Variants in TCF12 observed in about 807,000 individuals in gnomAD.
TCF12 encodes the protein DNA-binding protein HTF4.
Under a neutral mutation model 86.0 loss-of-function variants are expected in TCF12, and 45 were observed. The observed-to-expected ratio is 0.52, with a 90% CI of 0.41 to 0.67. TCF12 has a LOEUF of 0.67. Among genes scored for constraint, TCF12 ranks in the 30% least tolerant of loss-of-function variants. The probability of loss-of-function intolerance (pLI) is 0.00; values close to 1 mark genes in which losing one functional copy is unlikely to be tolerated. For missense variants in TCF12, 881 were observed against 859.9 expected (o/e 1.02, Z -0.31); for synonymous variants, 330 against 299.6 (o/e 1.10, Z -1.05).
intron 4 of TCF12, among the ~76,000 whole-genome samples, chr15:57,083,353 G>A (rs1026733601): frequency 5.3e-5 from 8 of 152,044 alleles, no homozygotes; most frequent in Non-Finnish European, 1.0e-4. Flanking sequence ...GAGATAAAAA[G>A]AGATTTTTTT....
At chr15:57,036,508 G>A (rs1484678295) in intron 3 of TCF12, among the ~76,000 whole-genome samples, 3 of 152,094 alleles carry the variant, frequency 2.0e-5, no homozygotes, top group Non-Finnish European at 4.4e-5. Flanking sequence ...ATCCTTGGCA[G>A]CACTTGTTTT....
chr15:57,195,442 G>A (rs1026405270), intron 7 of TCF12, among the ~76,000 whole-genome samples: 2 of 152,126 alleles, frequency 1.3e-5, no homozygotes, highest in East Asian at 1.9e-4. Context: ...GACTGTTTTC[G>A]TACAAGGAGT....
chr15:57,157,275 GT>G (rs374760133), intron 5 of TCF12, among the ~76,000 whole-genome samples: 121 of 145,788 alleles, frequency 8.3e-4, no homozygotes, highest in African/African-American at 1.8e-3. Context: ...TTCATGATGG[GT>G]TTTTTTTTTT....
intron 3 of TCF12, among the ~76,000 whole-genome samples, chr15:57,015,939 C>T (rs1370795817): frequency 5.9e-5 from 9 of 152,070 alleles, no homozygotes; most frequent in Admixed American, 5.9e-4. Context: ...AACATAATGA[C>T]TTGTATTGTA....
Position 56,998,665 on chromosome 15 carries a change from C to T in TCF12, c.149-65085C>T, listed in dbSNP as rs144511539. 1.3e-3 allele frequency among the ~76,000 whole-genome samples: 200 copies of T among 151,934 alleles called. 1 individual carries two copies. Among genetic ancestry groups the T allele is most frequent in the African/African-American group, 4.3e-3 (178 of 41,428 alleles). ...AGAATCACCGGGGGTACAGAATGTC[C>T]GAACAACATTATCAACTAGATAGAT... On this transcript the variant is annotated intron_variant, in intron 3 of 20. Coordinates refer to ENST00000333725, the MANE Select transcript of TCF12 (RefSeq NM_207037.2).
At chr15:57,184,573 C>G (rs964498668) in intron 6 of TCF12, among the ~76,000 whole-genome samples, 1 of 152,084 alleles carries the variant, frequency 6.6e-6, no homozygotes, top group Non-Finnish European at 1.5e-5. Context: ...CAATGAAAGT[C>G]AGTTTGGCAC....
intron 4 of TCF12, among the ~76,000 whole-genome samples, chr15:57,070,053 CTAA>C (rs1164938414): frequency 6.6e-6 from 1 of 152,014 alleles, no homozygotes; most frequent in Admixed American, 6.6e-5. Flanking sequence ...GGGGTGGGTA[CTAA>C]TAATAACTTC....
chr15:57,219,945 C>G (rs565914662), intron 8 of TCF12, among the ~76,000 whole-genome samples: 2 of 151,870 alleles, frequency 1.3e-5, no homozygotes, highest in Admixed American at 6.6e-5. Context: ...AGGCTGGTCT[C>G]GAACTCCTGA....
At chr15:57,149,623 G>A (rs1200442568) in intron 5 of TCF12, among the ~76,000 whole-genome samples, 1 of 152,162 alleles carries the variant, frequency 6.6e-6, no homozygotes, top group Admixed American at 6.5e-5. Flanking sequence ...TTTTTAGATT[G>A]TCCAAGAGTT....
At chr15:57,201,211 A>G (rs74418386) in intron 8 of TCF12, among the ~76,000 whole-genome samples, 6,284 of 152,210 alleles carry the variant, frequency 0.041, 377 homozygotes, top group Admixed American at 0.17. Flanking sequence ...ATTCAAACAT[A>G]TACAAACACC....
intron 3 of TCF12, among the ~76,000 whole-genome samples, chr15:57,013,683 G>C (rs1400959736): frequency 6.6e-6 from 1 of 152,198 alleles, no homozygotes; most frequent in Non-Finnish European, 1.5e-5. Flanking sequence ...AGTGAAGTAA[G>C]AGGATTTCTT....
At chr15:56,965,472 C>T (rs1198054884) in intron 3 of TCF12, among the ~76,000 whole-genome samples, 6 of 152,060 alleles carry the variant, frequency 3.9e-5, no homozygotes, top group African/African-American at 1.2e-4. Context: ...TTTTTCTTTC[C>T]ACAATCTGAA....
rs1460754014 is a variant in TCF12, at chr15:57,282,479, G to C, written c.2013G>C (p.Lys671Asn). The stretch of plus-strand genomic sequence containing the variant: ...TTAACCCCAAAGCAGCCTGCCTTAA[G>C]AGAAGGGAAGAAGAAAAAGTTTCTG... Reference protein sequence around the residue: ...RNLNPKAACLKRREEEKVSAV... With the variant: ...RNLNPKAACLNRREEEKVSAV... Residue 671 changes from lysine to asparagine, a missense_variant, in exon 20 of 21, where the codon AAG (lysine) becomes AAC (asparagine). Lys to Asn is a moderately conservative substitution (Grantham distance 94). Around this residue, in one of 3 missense-constraint regions of TCF12, gnomAD observed 69 missense variants for 64.2 expected, o/e 1.07. Coordinates refer to ENST00000333725, the MANE Select transcript of TCF12 (RefSeq NM_207037.2). 3 of 1,614,092 alleles carry C rather than the reference G, an allele frequency of 1.9e-6. No homozygotes were observed. In the Admixed American group the frequency reaches 5.0e-5, roughly 27 times the overall value.
chr15:57,129,826 G>C (rs1253234428), intron 5 of TCF12: 3 of 152,192 alleles, frequency 2.0e-5, no homozygotes, highest in African/African-American at 7.2e-5. Context: ...AGACATACAA[G>C]TAATTCACCA....
At chr15:57,012,759 A>G (rs1381496483) in intron 3 of TCF12, among the ~76,000 whole-genome samples, 4 of 152,208 alleles carry the variant, frequency 2.6e-5, no homozygotes, top group African/African-American at 7.2e-5. Context: ...ATCTTGGGCA[A>G]TCTGCTCAGG....
intron 3 of TCF12, among the ~76,000 whole-genome samples, chr15:56,921,915 T>A (rs2059810046): frequency 6.6e-6 from 1 of 152,068 alleles, no homozygotes; most frequent in Non-Finnish European, 1.5e-5. Flanking sequence ...TTTATTAAAA[T>A]TCATTTTTAA....
chr15:57,070,752 C>G (rs1275908721), intron 4 of TCF12, among the ~76,000 whole-genome samples: 1 of 152,174 alleles, frequency 6.6e-6, no homozygotes, highest in Admixed American at 6.5e-5. Flanking sequence ...ATAATAGAAC[C>G]TTGGTTTTTC....
intron 3 of TCF12, among the ~76,000 whole-genome samples, chr15:57,043,285 CTT>C (rs1300162009): frequency 2.6e-5 from 4 of 152,100 alleles, no homozygotes; most frequent in East Asian, 3.9e-4. Context: ...GATTTTAACT[CTT>C]TTGGATAAGT....
At chr15:57,159,995 C>A (rs1194838869) in intron 5 of TCF12, among the ~76,000 whole-genome samples, 2 of 152,166 alleles carry the variant, frequency 1.3e-5, no homozygotes, top group Non-Finnish European at 2.9e-5. Flanking sequence ...ATATCATTAT[C>A]TCTGTCTGTT....
Sources: allele counts gnomAD v4.1 joint callset (sites outside exome capture counted in the v4.1 genomes callset), GRCh38; gene constraint gnomAD v4.1.1; regional missense constraint gnomAD v4.1.1; transcripts MANE v1.5; gene names NCBI Gene and HGNC (gene_info 2026-07-23, HGNC 2026-07-21).